PRAC2: variants seen among roughly 807,000 people sequenced by gnomAD.
PRAC2 encodes protein PRAC2.
For missense variants in PRAC2, 92 were observed against 114.5 expected (o/e 0.80, Z 0.90); for synonymous variants, 43 against 49.5 (o/e 0.87, Z 0.55).
At chr17:48,719,154 T>A (rs945062383), upstream of PRAC2, among the ~76,000 whole-genome samples, 9 of 151,906 alleles carry the variant, frequency 5.9e-5, no homozygotes, top group African/African-American at 2.2e-4. Context: ...GAGTGTTTGA[T>A]CTTCCCTTGC....
chr17:48,720,421 A>G (rs1436487142), upstream of PRAC2, among the ~76,000 whole-genome samples: 3 of 152,044 alleles, frequency 2.0e-5, no homozygotes, highest in Non-Finnish European at 4.4e-5. Flanking sequence ...TATTCCAAGC[A>G]TCTTCTCCAG....
At chr17:48,721,981 C>T, upstream of PRAC2, 1 of 1,348,778 alleles carries the variant, frequency 7.4e-7, no homozygotes, top group Admixed American at 2.6e-5. Flanking sequence ...GGACTCCATC[C>T]CATTGGAGAC....
At chr17:48,721,980 C>T, upstream of PRAC2, 3 of 1,355,330 alleles carry the variant, frequency 2.2e-6, no homozygotes, top group African/African-American at 2.9e-5. Context: ...AGGACTCCAT[C>T]CCATTGGAGA....
intron 1 of PRAC2, chr17:48,723,908 T>A: frequency 1.6e-6 from 1 of 629,152 alleles, no homozygotes; most frequent in Non-Finnish European, 2.3e-6. Flanking sequence ...TTTCGTAGCT[T>A]GCTGAGAGAT....
upstream of PRAC2, chr17:48,721,879 A>G (rs2038148691): frequency 1.3e-6 from 2 of 1,531,686 alleles, no homozygotes; most frequent in Non-Finnish European, 1.8e-6. Context: ...CGCCCAGTAG[A>G]TGTTTCAAAG....
At chr17:48,720,471 T>C (rs926355422), upstream of PRAC2, among the ~76,000 whole-genome samples, 1 of 152,220 alleles carries the variant, frequency 6.6e-6, no homozygotes, top group African/African-American at 2.4e-5. Context: ...TGTGTGTGTG[T>C]ATCTTTCTCT....
At chr17:48,720,081 G>A (rs561637022), upstream of PRAC2, among the ~76,000 whole-genome samples, 615 of 152,362 alleles carry the variant, frequency 4.0e-3, 8 homozygotes, top group African/African-American at 0.014. Context: ...CTAGAGATGG[G>A]GAGCTGAGGG....
At chr17:48,721,952 A>G (rs776118448), upstream of PRAC2, 84 of 1,455,996 alleles carry the variant, frequency 5.8e-5, no homozygotes, top group Non-Finnish European at 7.1e-5. Flanking sequence ...CGTTATCAAT[A>G]TTAATTTTGC....
In PRAC2 at chr17:48,724,722, T is replaced by C. The variant is rs761620419; in HGVS notation, c.*39T>C. 42 of 1,045,880 alleles carry C rather than the reference T, an allele frequency of 4.0e-5. No individual in the cohort carries two copies. The highest frequency in any genetic ancestry group is 4.4e-5 in the Non-Finnish European group (36 of 818,726). 64.8% of individuals were successfully genotyped at this position (1,045,880 alleles called of 1,614,324 possible). ...GGGGGCGCCCACGTCTTTTTAATGG[T>C]CCTAACACACCAGTGGAATAAATCT... On this transcript the variant is annotated 3_prime_UTR_variant, in exon 2 of 2. Transcript: ENST00000422730.
upstream of PRAC2, among the ~76,000 whole-genome samples, chr17:48,722,880 G>T (rs780783262): frequency 8.5e-5 from 13 of 152,134 alleles, no homozygotes; most frequent in Non-Finnish European, 1.6e-4. Context: ...CCTCCCCCCA[G>T]GCTGGGCGCC....
upstream of PRAC2, chr17:48,721,754 A>C (rs1298057455): frequency 2.8e-6 from 4 of 1,447,204 alleles, no homozygotes; most frequent in Non-Finnish European, 3.7e-6. Flanking sequence ...GTATAAATAG[A>C]GACAGCGTCT....
In PRAC2 at chr17:48,724,345, C is replaced by A; in HGVS notation, c.-66C>A. 8.1e-7 allele frequency: 1 copy of A among 1,234,026 alleles called. No individual in the cohort carries two copies. Among genetic ancestry groups the A allele is most frequent in the South Asian group, 4.1e-5 (1 of 24,400 alleles). The allele number at this position is 1,234,026 out of a possible 1,614,324, so 76.4% of individuals were successfully genotyped here. A position where few individuals can be genotyped will look rare whatever the true frequency, so the allele number is the denominator to read the frequency against. ...TTGCACAGGTTCCATACAAGTAAAT[C>A]CGAAAAAAAGTGTGTGTGGGGGGGT... On this transcript the variant is annotated 5_prime_UTR_variant, in exon 2 of 2. Coordinates refer to ENST00000422730, the MANE Select transcript of PRAC2 (RefSeq NM_001282275.2).
At chr17:48,721,961 G>C, upstream of PRAC2, 1 of 1,434,818 alleles carries the variant, frequency 7.0e-7, no homozygotes, top group Non-Finnish European at 9.3e-7. Flanking sequence ...TATTAATTTT[G>C]CTTATGCCAG....
chr17:48,722,519 A>T, upstream of PRAC2: 1 of 778,554 alleles, frequency 1.3e-6, no homozygotes, highest in South Asian at 1.5e-5. Context: ...GAGAGGAAGG[A>T]CGGGAGCACA....
intron 1 of PRAC2, among the ~76,000 whole-genome samples, chr17:48,723,973 G>T (rs1597929866): frequency 6.6e-6 from 1 of 152,244 alleles, no homozygotes; most frequent in South Asian, 2.1e-4. Context: ...GCAGCTCAGG[G>T]TACAATTGCG....
chr17:48,722,401 T>C, upstream of PRAC2: 1 of 1,613,910 alleles, frequency 6.2e-7, no homozygotes, highest in Non-Finnish European at 8.5e-7. Context: ...ATCGCTGTTC[T>C]CTCTGCAAAG....
At chr17:48,719,615 G>A (rs1358014277), upstream of PRAC2, among the ~76,000 whole-genome samples, 1 of 152,232 alleles carries the variant, frequency 6.6e-6, no homozygotes, top group African/African-American at 2.4e-5. Context: ...ATTCGTTTGT[G>A]TACGCATCTG....
rs369888513 is a variant in PRAC2, at chr17:48,724,362, T to TG, written c.-42dup. ...AAGTAAATCCGAAAAAAAGTGTGTG[T>TG]GGGGGGGTCCACACCACTAATTATT... On this transcript the variant is annotated 5_prime_UTR_variant, in exon 2 of 2. Transcript: ENST00000422730. The TG allele has an allele frequency of 1.1e-3, 1,389 of 1,233,238 alleles. 12 individuals are homozygous for TG. The African/African-American group carries it at 0.016, about 14-fold the overall frequency. The allele number at this position is 1,233,238 out of a possible 1,614,324, so 76.4% of individuals were successfully genotyped here.
At chr17:48,722,552 T>A, upstream of PRAC2, 1 of 646,406 alleles carries the variant, frequency 1.5e-6, no homozygotes. Context: ...CCTCTCCCTG[T>A]AGAGTCTGGG....
Sources: allele counts gnomAD v4.1 joint callset (sites outside exome capture counted in the v4.1 genomes callset), GRCh38; gene constraint gnomAD v4.1.1; transcripts MANE v1.5; gene names NCBI Gene and HGNC (gene_info 2026-07-23, HGNC 2026-07-21).